Variants in TMED5 observed in about 807,000 individuals in gnomAD.
TMED5 encodes transmembrane p24 trafficking protein 5.
TMED5 carries 27 observed loss-of-function variants against 23.0 expected under a neutral mutation model. That is an observed-to-expected ratio of 1.17 (90% CI 0.86 to 1.62). The LOEUF is 1.62. Ranked by LOEUF, TMED5 falls within the 40% of genes most tolerant of loss-of-function variation. TMED5 has a pLI of 0.00. For synonymous variants in TMED5, 97 were observed against 100.8 expected (o/e 0.96, Z 0.23); for missense variants, 248 against 273.7 (o/e 0.91, Z 0.66).
chr1:93,155,894 G>T, intron 3 of TMED5: 1 of 474,292 alleles, frequency 2.1e-6, no homozygotes, highest in Non-Finnish European at 3.8e-6. Flanking sequence ...TTAGTATTCA[G>T]TAAAACACCC....
chr1:93,180,335 A>T lies in TMED5; in HGVS notation c.-93T>A. 1 of 1,422,628 alleles carries T rather than the reference A, an allele frequency of 7.0e-7. No homozygotes were observed. The allele number at this position is 1,422,628 out of a possible 1,614,324, so 88.1% of individuals were successfully genotyped here. The stretch of plus-strand genomic sequence containing the variant: ...CTGGACTCCTCGTGGTTGACAGGGA[A>T]ATCTGGAGTCTGAAGAAACTCCAGG... On this transcript the variant is annotated 5_prime_UTR_variant, in exon 1 of 4. Transcript: ENST00000370282.
chr1:93,170,572 G>A (rs1466306765), intron 1 of TMED5, among the ~76,000 whole-genome samples: 1 of 152,194 alleles, frequency 6.6e-6, no homozygotes, highest in African/African-American at 2.4e-5. Context: ...CCTGCTCCAC[G>A]GCACCCAGTC....
intron 1 of TMED5, among the ~76,000 whole-genome samples, chr1:93,170,560 TC>T (rs931743298): frequency 2.0e-5 from 3 of 152,128 alleles, no homozygotes; most frequent in African/African-American, 7.2e-5. Context: ...AGAGCGCCAC[TC>T]CCTGCTCCAC....
intron 1 of TMED5, among the ~76,000 whole-genome samples, chr1:93,169,632 A>G (rs1210474236): frequency 6.6e-6 from 1 of 151,610 alleles, no homozygotes; most frequent in African/African-American, 2.4e-5. Flanking sequence ...CTGGTTTTTT[A>G]AAAAGATCAA....
chr1:93,156,416 C>G lies in TMED5; in HGVS notation c.355G>C (p.Val119Leu), dbSNP rs1020053937. Reference sequence around the variant, plus strand: ...TCCAGGATTAATTCAAAGAAAATCACCTTCTCAGAAATGGTGCTGAATGTA... The same window carrying G: ...TCCAGGATTAATTCAAAGAAAATCAGCTTCTCAGAAATGGTGCTGAATGTA... ...DNTFSTISEKVIFFELILDNM... is the reference protein window; with the variant it reads ...DNTFSTISEKLIFFELILDNM... Residue 119 changes from valine (V) to leucine (L), a missense_variant, in exon 3 of 4, where the codon GTG becomes CTG. Val to Leu is a conservative substitution (Grantham distance 32, BLOSUM62 1). Coordinates refer to ENST00000370282, the MANE Select transcript of TMED5 (RefSeq NM_016040.5). 1.2e-5 allele frequency: 20 copies of G among 1,613,870 alleles called. No individual in the cohort carries two copies. Among genetic ancestry groups the G allele is most frequent in the East Asian group, 2.2e-5 (1 of 44,840 alleles).
intron 1 of TMED5, chr1:93,163,046 C>T (rs1043525981): frequency 8.5e-5 from 13 of 152,062 alleles, no homozygotes; most frequent in African/African-American, 3.1e-4. Flanking sequence ...AGTCACTGCA[C>T]TCCAGCCTGG....
chr1:93,174,410 T>C (rs1648836537), intron 1 of TMED5, among the ~76,000 whole-genome samples: 1 of 152,212 alleles, frequency 6.6e-6, no homozygotes, highest in African/African-American at 2.4e-5. Flanking sequence ...AGGAGGCTGG[T>C]TGAAGTGGGA....
chr1:93,159,510 G>A (rs563007868), intron 2 of TMED5, among the ~76,000 whole-genome samples: 40 of 152,116 alleles, frequency 2.6e-4, no homozygotes, highest in Non-Finnish European at 5.9e-4. Context: ...AAACATACCA[G>A]TGAGATATGA....
intron 2 of TMED5, 103 bp downstream of exon 2, chr1:93,160,026 T>C: frequency 1.6e-6 from 1 of 644,728 alleles, no homozygotes; most frequent in Non-Finnish European, 2.8e-6. Flanking sequence ...TATGGAATTA[T>C]CTAATATTGA....
intron 1 of TMED5, among the ~76,000 whole-genome samples, chr1:93,165,368 C>A (rs1487860277): frequency 6.6e-6 from 1 of 152,018 alleles, no homozygotes; most frequent in Non-Finnish European, 1.5e-5. Context: ...ATAAATAGAT[C>A]ATTGTTCAAA....
rs1481426073 is a variant in TMED5 at position 93,177,057 on chromosome 1, A to G, written c.189+2997T>C. Among the ~76,000 whole-genome samples the G allele has an allele frequency of 3.9e-5, 6 of 152,244 alleles. No homozygotes were observed. The South Asian group carries it at 1.2e-3, about 32-fold the overall frequency. ...AAGTAAGAAATTAGTAAAATTTTCA[A>G]TAAGTAACCAAGGACAAAACTAGAT... is the stretch of plus-strand genomic sequence containing the variant. On this transcript the variant is annotated intron_variant, in intron 1 of 3. Coordinates refer to ENST00000370282, the MANE Select transcript of TMED5 (RefSeq NM_016040.5).
chr1:93,163,618 C>T (rs1436431106), intron 1 of TMED5, among the ~76,000 whole-genome samples: 1 of 151,438 alleles, frequency 6.6e-6, no homozygotes, highest in Non-Finnish European at 1.5e-5. Context: ...GCTGGGATTA[C>T]AGGTGTGAGC....
At chr1:93,168,062 C>A (rs1648570127) in intron 1 of TMED5, among the ~76,000 whole-genome samples, 1 of 152,074 alleles carries the variant, frequency 6.6e-6, no homozygotes, top group Non-Finnish European at 1.5e-5. Context: ...TATCATTCTA[C>A]TGATTGATTT....
rs1309976504 is a variant in TMED5 at position 93,150,063 on chromosome 1, TCAC to T, written c.*4604_*4606del. 2 of 152,216 alleles carry T rather than the reference TCAC, an allele frequency of 1.3e-5. No homozygotes were observed. Among genetic ancestry groups the T allele is most frequent in the Admixed American group, 1.3e-4 (2 of 15,280 alleles). The allele number at this position is 152,216 out of a possible 1,614,324, so 9.4% of individuals were successfully genotyped here. A position where few individuals can be genotyped will look rare whatever the true frequency, so the allele number is the denominator to read the frequency against. On this transcript the variant is annotated 3_prime_UTR_variant, in exon 4 of 4. Coordinates refer to ENST00000370282, the MANE Select transcript of TMED5 (RefSeq NM_016040.5). ...ACATTTCACATGTATATTTATGTAA[TCAC>T]CACAATCAAACTACAGAACTTTTCC...
chr1:93,158,645 A>G (rs957273229), intron 2 of TMED5, among the ~76,000 whole-genome samples: 2 of 148,388 alleles, frequency 1.3e-5, no homozygotes, highest in African/African-American at 5.0e-5. Context: ...ATCTCAGCTC[A>G]CTGCAACCTC....
chr1:93,166,820 C>T (rs1571278521), intron 1 of TMED5, among the ~76,000 whole-genome samples: 1 of 152,238 alleles, frequency 6.6e-6, no homozygotes, highest in African/African-American at 2.4e-5. Context: ...TGAGGTATTA[C>T]TCAAGAAATC....
chr1:93,157,432 C>T (rs1019165996), intron 2 of TMED5, among the ~76,000 whole-genome samples: 14 of 152,100 alleles, frequency 9.2e-5, no homozygotes, highest in Admixed American at 3.3e-4. Flanking sequence ...CCCATATTAG[C>T]GAAAGTTAAA....
intron 1 of TMED5, among the ~76,000 whole-genome samples, chr1:93,174,265 C>T (rs989583111): frequency 6.6e-5 from 10 of 152,216 alleles, no homozygotes; most frequent in Admixed American, 2.0e-4. Flanking sequence ...CCACCGCACC[C>T]AGCTTTTTTT....
At chr1:93,179,856 C>T in intron 1 of TMED5, 198 bp downstream of exon 1, 1 of 545,166 alleles carries the variant, frequency 1.8e-6, no homozygotes, top group Non-Finnish European at 3.2e-6. Flanking sequence ...ATTCCAGGTC[C>T]AGCCTAAGTT....
Sources: gnomAD v4.1 joint callset for allele counts (sites outside exome capture counted in the v4.1 genomes callset) on GRCh38, gnomAD v4.1.1 for gene constraint, MANE v1.5 for transcripts, NCBI Gene and HGNC (gene_info 2026-07-23, HGNC 2026-07-21) for gene names.